RBFOX1: variants seen among roughly 807,000 people sequenced by gnomAD.
The protein encoded by RBFOX1 is RNA binding protein fox-1 homolog 1.
RBFOX1 carries 8 observed loss-of-function variants against 57.7 expected under a neutral mutation model. The observed-to-expected ratio is 0.14, with a 90% CI of 0.08 to 0.25. RBFOX1 has a LOEUF of 0.25. RBFOX1 is among the 10% of genes least tolerant of loss of function. The pLI is 1.00. For missense variants in RBFOX1, 611 were observed against 548.5 expected, an observed-to-expected ratio of 1.11 and a Z score of -1.14; for synonymous variants, 326 against 222.4, an observed-to-expected ratio of 1.47 and a Z score of -4.15.
chr16:5,655,655 G>A (rs1362303712), intron 3 of RBFOX1, among the ~76,000 whole-genome samples: 2 of 152,180 alleles, frequency 1.3e-5, no homozygotes, highest in African/African-American at 4.8e-5. Flanking sequence ...AAGCTTTGCA[G>A]GCAGATGAAA....
chr16:6,949,988 C>G (rs1225756352), intron 3 of RBFOX1, among the ~76,000 whole-genome samples: 5 of 151,322 alleles, frequency 3.3e-5, no homozygotes, highest in Non-Finnish European at 7.4e-5. Context: ...GCTCTGTTGC[C>G]CAGGCTGGAG....
In RBFOX1 at chr16:5,548,174, AATAT is replaced by A. The variant is rs71142629; in HGVS notation, c.259-50700_259-50697del. Among the ~76,000 whole-genome samples the A allele has an allele frequency of 2.7e-3, 92 of 33,564 alleles. 2 individuals are homozygous for A. The highest frequency in any genetic ancestry group is 5.9e-3 in the African/African-American group (73 of 12,474). 22.0% of individuals were successfully genotyped at this position (33,564 alleles called of 152,430 possible). ...AGACTCTGTTAAAAAAAAAAAAAAA[AATAT>A]ATATATATATATATATATATATATA... On this transcript the variant is annotated intron_variant, in intron 2 of 2. Transcript: ENST00000585867.
At chr16:7,137,336 C>A (rs954675755) in intron 4 of RBFOX1, among the ~76,000 whole-genome samples, 1 of 152,138 alleles carries the variant, frequency 6.6e-6, no homozygotes, top group Non-Finnish European at 1.5e-5. Flanking sequence ...GTAATTCCCA[C>A]ATGTTGTGGG....
At chr16:7,688,506 C>A (rs1290103160) in intron 14 of RBFOX1, among the ~76,000 whole-genome samples, 1 of 152,030 alleles carries the variant, frequency 6.6e-6, no homozygotes, top group Non-Finnish European at 1.5e-5. Flanking sequence ...TATCTAGCAT[C>A]TCATGTCCCC....
At chr16:6,732,625 T>C (rs1392868373) in intron 3 of RBFOX1, among the ~76,000 whole-genome samples, 1 of 152,258 alleles carries the variant, frequency 6.6e-6, no homozygotes, top group Non-Finnish European at 1.5e-5. Context: ...TCTGTGTTAA[T>C]GTAAGGACAG....
Position 7,035,522 on chromosome 16 carries a change from T to G in RBFOX1, c.-15-16535T>G, listed in dbSNP as rs369371939. ...ATTTGCAGAATTTAATTGCAATATT[T>G]TCCCACTCAGTTTCTTTCTGAACGC... On this transcript the variant is annotated intron_variant, in intron 3 of 15. Transcript: ENST00000550418. Among the ~76,000 whole-genome samples, 76 of 152,352 alleles carry G rather than the reference T, an allele frequency of 5.0e-4. 1 individual carries two copies. In the South Asian group the frequency reaches 0.016, roughly 31 times the overall value.
At chr16:5,762,913 A>T (rs1005818980) in intron 3 of RBFOX1, among the ~76,000 whole-genome samples, 2 of 152,228 alleles carry the variant, frequency 1.3e-5, no homozygotes, top group African/African-American at 4.8e-5. Context: ...AAACCTCTTG[A>T]AGGATATACA....
chr16:7,584,894 C>T (rs2094012910), intron 6 of RBFOX1, among the ~76,000 whole-genome samples: 2 of 152,178 alleles, frequency 1.3e-5, no homozygotes, highest in African/African-American at 4.8e-5. Flanking sequence ...GCCACAGAAG[C>T]AAACTTTGAG....
chr16:6,700,879 A>T (rs1004674827), intron 3 of RBFOX1, among the ~76,000 whole-genome samples: 3 of 152,254 alleles, frequency 2.0e-5, no homozygotes, highest in East Asian at 1.9e-4. Flanking sequence ...TAATGCTCCA[A>T]ATATCCTCTT....
rs562099606 is a variant in RBFOX1 at position 7,563,490 on chromosome 16, C to A, written c.271-16287C>A. ...TGTTTTTTTCTTTTCTTGCTTCAAA[C>A]AAAGTCTTACACTGTTGCCCAGGCT... On this transcript the variant is annotated intron_variant, in intron 5 of 15. Transcript: ENST00000550418. Among the ~76,000 whole-genome samples, 18 of 152,184 alleles carry A rather than the reference C, an allele frequency of 1.2e-4. No individual in the cohort carries two copies. The South Asian group carries it at 3.5e-3, about 30-fold the overall frequency.
At chr16:7,274,553 A>G (rs567649173) in intron 4 of RBFOX1, among the ~76,000 whole-genome samples, 1 of 152,172 alleles carries the variant, frequency 6.6e-6, no homozygotes, top group Non-Finnish European at 1.5e-5. Context: ...TTCTGACACT[A>G]ACCTTAAACT....
At chr16:7,174,150 TATTTA>T (rs2081229338) in intron 4 of RBFOX1, among the ~76,000 whole-genome samples, 1 of 152,004 alleles carries the variant, frequency 6.6e-6, no homozygotes, top group African/African-American at 2.4e-5. Flanking sequence ...GCATCTGGAT[TATTTA>T]ATTTAGCAGA....
chr16:7,191,783 C>G (rs1013537271), intron 4 of RBFOX1, among the ~76,000 whole-genome samples: 2 of 152,276 alleles, frequency 1.3e-5, no homozygotes, highest in South Asian at 2.1e-4. Flanking sequence ...CCTAAGAATT[C>G]TCTGTGGTGG....
intron 3 of RBFOX1, among the ~76,000 whole-genome samples, chr16:6,844,507 A>C (rs1390144736): frequency 6.6e-6 from 1 of 152,112 alleles, no homozygotes; most frequent in Non-Finnish European, 1.5e-5. Flanking sequence ...TGCAGAAGAT[A>C]TGACCTTATT....
intron 4 of RBFOX1, among the ~76,000 whole-genome samples, chr16:7,061,104 C>T (rs144090299): frequency 3.9e-5 from 6 of 152,116 alleles, no homozygotes; most frequent in South Asian, 4.2e-4. Flanking sequence ...TCTTACATAA[C>T]GAATGGTCCC....
At chr16:6,401,857 T>A (rs1001278060) in intron 2 of RBFOX1, among the ~76,000 whole-genome samples, 14 of 151,978 alleles carry the variant, frequency 9.2e-5, no homozygotes, top group Admixed American at 8.5e-4. Context: ...ATGTATCTAG[T>A]AAATCCATCA....
At chr16:5,827,615 G>T (rs769194154) in intron 3 of RBFOX1, among the ~76,000 whole-genome samples, 25 of 152,104 alleles carry the variant, frequency 1.6e-4, no homozygotes, top group Non-Finnish European at 3.5e-4. Context: ...CTCTACTGCA[G>T]TGTGAAGGCA....
intron 3 of RBFOX1, among the ~76,000 whole-genome samples, chr16:5,678,217 A>G (rs946763558): frequency 1.5e-4 from 23 of 152,014 alleles, no homozygotes; most frequent in African/African-American, 5.3e-4. Flanking sequence ...ATGCAGGGAG[A>G]GTTTAGAAAT....
intron 4 of RBFOX1, among the ~76,000 whole-genome samples, chr16:7,420,260 C>G (rs987309771): frequency 6.6e-6 from 1 of 152,064 alleles, no homozygotes; most frequent in Non-Finnish European, 1.5e-5. Flanking sequence ...AGCCTCTCGT[C>G]CTATTAGATT....
Sources: gnomAD v4.1 joint callset for allele counts (sites outside exome capture counted in the v4.1 genomes callset) on GRCh38, gnomAD v4.1.1 for gene constraint, MANE v1.5 for transcripts, NCBI Gene and HGNC (gene_info 2026-07-23, HGNC 2026-07-21) for gene names.